Variants in NEK6 observed in about 807,000 individuals in gnomAD.
The protein encoded by NEK6 is serine/threonine-protein kinase Nek6.
A neutral mutation model predicts 43.5 loss-of-function variants in NEK6; 27 were observed. The observed-to-expected ratio is 0.62, with a 90% CI of 0.46 to 0.86. The LOEUF is 0.86. Ranked by LOEUF, NEK6 falls within the 40% of genes least tolerant of loss-of-function variation. The pLI is 0.00. For missense variants in NEK6, 318 were observed against 414.4 expected, an observed-to-expected ratio of 0.77 and a Z score of 2.02; for synonymous variants, 167 against 164.1, an observed-to-expected ratio of 1.02 and a Z score of -0.14.
intron 1 of NEK6, among the ~76,000 whole-genome samples, chr9:124,287,032 G>A (rs1832196209): frequency 6.6e-6 from 1 of 152,206 alleles, no homozygotes; most frequent in African/African-American, 2.4e-5. Flanking sequence ...CCCCCCGGCT[G>A]TGATATGCCC....
intron 1 of NEK6, among the ~76,000 whole-genome samples, chr9:124,277,509 G>T (rs1456376152): frequency 6.6e-6 from 1 of 152,130 alleles, no homozygotes; most frequent in Admixed American, 6.5e-5. Context: ...ACCCTTTCCT[G>T]CTGGGTGTTG....
In NEK6 at chr9:124,305,276, C is replaced by T. The variant is rs1588486780; in HGVS notation, c.90+3222C>T. 3.3e-5 allele frequency among the ~76,000 whole-genome samples: 5 copies of T among 152,150 alleles called. No homozygotes were observed. In the South Asian group the frequency reaches 6.2e-4, roughly 19 times the overall value. The stretch of plus-strand genomic sequence containing the variant: ...GGCTATTAAAATTCAGTTAGTGGGC[C>T]GGGCACGGTGGCTCACACCTGTAAT... On this transcript the variant is annotated intron_variant, in intron 2 of 9. Transcript: ENST00000320246.
At chr9:124,261,519 C>G (rs1310658528) in intron 1 of NEK6, 1 of 985,308 alleles carries the variant, frequency 1.0e-6, no homozygotes, top group East Asian at 1.1e-4. Context: ...TGTTCTGGCC[C>G]CCTGATGTCA....
chr9:124,343,554 A>G lies in NEK6; in HGVS notation c.717+3889A>G, dbSNP rs527511046. Among the ~76,000 whole-genome samples, 1 of 152,250 alleles carries G rather than the reference A, an allele frequency of 6.6e-6. No homozygotes were observed. The highest frequency in any genetic ancestry group is 2.1e-4 in the South Asian group (1 of 4,822). On this transcript the variant is annotated intron_variant, in intron 8 of 9. Coordinates refer to ENST00000320246, the MANE Select transcript of NEK6 (RefSeq NM_014397.6). The surrounding 1 kb of genome is among the most constrained non-coding windows in gnomAD (Gnocchi z 5.1). ...CCCCCTCCCCACTCCTGCAGTCCCT[A>G]AAGGGGAAGGTGAAGCAGGCGTTTC...
chr9:124,310,745 C>A (rs917740700), intron 2 of NEK6, among the ~76,000 whole-genome samples: 1 of 152,044 alleles, frequency 6.6e-6, no homozygotes, highest in African/African-American at 2.4e-5. Context: ...TTTACAGGCA[C>A]CCACCACCAC....
At chr9:124,346,211 C>G (rs1395380304) in intron 8 of NEK6, among the ~76,000 whole-genome samples, 2 of 152,246 alleles carry the variant, frequency 1.3e-5, no homozygotes, top group Non-Finnish European at 2.9e-5. Flanking sequence ...AGGCTGCACT[C>G]AGCAGCTTCC....
Position 124,292,375 on chromosome 9 carries a change from G to C in NEK6, c.-29-9561G>C, listed in dbSNP as rs1055337493. ...ATCCCTGGGCTTGGCCAGAACTTCTGAGTTTCCAGGGAAGCAGAAAAAGCA... is the reference window on the plus strand; with the variant it reads ...ATCCCTGGGCTTGGCCAGAACTTCTCAGTTTCCAGGGAAGCAGAAAAAGCA... On this transcript the variant is annotated intron_variant, in intron 1 of 9. Transcript: ENST00000320246. 114 of 1,514,190 alleles carry C rather than the reference G, an allele frequency of 7.5e-5. 1 individual carries two copies. The highest frequency in any genetic ancestry group is 1.0e-4 in the Admixed American group (5 of 47,832). The allele number at this position is 1,514,190 out of a possible 1,614,324, so 93.8% of individuals were successfully genotyped here.
intron 1 of NEK6, among the ~76,000 whole-genome samples, chr9:124,269,474 A>G (rs1831342026): frequency 6.6e-6 from 1 of 152,006 alleles, no homozygotes; most frequent in Non-Finnish European, 1.5e-5. Flanking sequence ...CCCGGGTTCA[A>G]GCAATTCTCC....
chr9:124,290,698 G>C (rs1231074872), intron 1 of NEK6, among the ~76,000 whole-genome samples: 1 of 152,254 alleles, frequency 6.6e-6, no homozygotes, highest in African/African-American at 2.4e-5. Flanking sequence ...CGGGGGGTCT[G>C]TCTGGCCTCT....
rs977882575 is a variant in NEK6 at position 124,351,299 on chromosome 9, C to T, written c.*352C>T. The T allele has an allele frequency of 4.4e-6, 1 of 228,086 alleles. No homozygotes were observed. The highest frequency in any genetic ancestry group is 8.7e-6 in the Non-Finnish European group (1 of 114,386). The allele number at this position is 228,086 out of a possible 1,614,324, so 14.1% of individuals were successfully genotyped here. A position where few individuals can be genotyped will look rare whatever the true frequency, so the allele number is the denominator to read the frequency against. ...CTCCAGTGACCTGTCAAGGCTTATG[C>T]TAACAGGAGACTTGCAGGAGACCGT... On this transcript the variant is annotated 3_prime_UTR_variant, in exon 10 of 10. Transcript: ENST00000320246.
chr9:124,311,769 A>C (rs976236183), intron 2 of NEK6, among the ~76,000 whole-genome samples: 3 of 152,226 alleles, frequency 2.0e-5, no homozygotes, highest in African/African-American at 7.2e-5. Flanking sequence ...TGCTCACTGC[A>C]ACCTCTGCCT....
chr9:124,350,418 G>C (rs1830195807), intron 9 of NEK6, among the ~76,000 whole-genome samples: 2 of 152,162 alleles, frequency 1.3e-5, no homozygotes, highest in African/African-American at 4.8e-5. Flanking sequence ...CAGCCCTGCT[G>C]CATGTTAATG....
intron 2 of NEK6, among the ~76,000 whole-genome samples, chr9:124,304,309 G>A (rs1204001871): frequency 6.6e-6 from 1 of 152,202 alleles, no homozygotes; most frequent in African/African-American, 2.4e-5. Flanking sequence ...CATTTTCCTT[G>A]ATAGCAGGAG....
chr9:124,334,234 G>T (rs1829176181), intron 7 of NEK6, among the ~76,000 whole-genome samples: 1 of 152,214 alleles, frequency 6.6e-6, no homozygotes, highest in African/African-American at 2.4e-5. Context: ...TGGCTGGCTG[G>T]ATGGATGGGT....
intron 1 of NEK6, among the ~76,000 whole-genome samples, chr9:124,266,845 T>G (rs186866656): frequency 1.6e-3 from 249 of 152,368 alleles, no homozygotes; most frequent in African/African-American, 5.4e-3. Context: ...AGGGCTGTAT[T>G]GAGCTGAGCT....
intron 1 of NEK6, among the ~76,000 whole-genome samples, chr9:124,265,261 C>T (rs1033727443): frequency 2.0e-5 from 3 of 152,172 alleles, no homozygotes; most frequent in Non-Finnish European, 4.4e-5. Flanking sequence ...CGGTGGCTCA[C>T]GCCTGTAATC....
chr9:124,258,657 A>G (rs904416417), intron 1 of NEK6, among the ~76,000 whole-genome samples: 1 of 152,146 alleles, frequency 6.6e-6, no homozygotes, highest in Non-Finnish European at 1.5e-5. Context: ...TTGCACAGTG[A>G]TGGCCCCCGA....
chr9:124,321,144 C>T (rs1054113285), intron 4 of NEK6, among the ~76,000 whole-genome samples: 6 of 152,208 alleles, frequency 3.9e-5, no homozygotes, highest in Non-Finnish European at 5.9e-5. Flanking sequence ...TGCTGAGTCT[C>T]ACATAGCTCT....
chr9:124,258,176 G>C, intron 1 of NEK6, 91 bp downstream of exon 1: 1 of 976,012 alleles, frequency 1.0e-6, no homozygotes, highest in Non-Finnish European at 1.2e-6. Flanking sequence ...CCCCCAGCCG[G>C]GCCGAGGGCG....
Sources: allele counts gnomAD v4.1 joint callset (sites outside exome capture counted in the v4.1 genomes callset), GRCh38; gene constraint gnomAD v4.1.1; non-coding constraint Gnocchi (gnomAD v3.1); transcripts MANE v1.5; gene names NCBI Gene and HGNC (gene_info 2026-07-23, HGNC 2026-07-21).